HDAC9: variants seen among roughly 807,000 people sequenced by gnomAD.
The protein encoded by HDAC9 is histone deacetylase 9.
Under a neutral mutation model 139.4 loss-of-function variants are expected in HDAC9, and 41 were observed. The ratio of observed to expected loss-of-function variants is 0.29; its 90% CI spans 0.23 to 0.38. The LOEUF (loss-of-function observed/expected upper bound fraction) is 0.38. Ranked by LOEUF, HDAC9 falls within the 10% of genes least tolerant of loss-of-function variation. The pLI, the probability that HDAC9 is intolerant of heterozygous loss-of-function variation, is 1.00. For missense variants in HDAC9, 1,147 were observed against 1,297.0 expected, an observed-to-expected ratio of 0.88 and a Z score of 1.78; for synonymous variants, 517 against 476.2, an observed-to-expected ratio of 1.09 and a Z score of -1.12.
chr7:18,126,589 G>A (rs957315345), intron 1 of HDAC9, among the ~76,000 whole-genome samples: 13 of 152,138 alleles, frequency 8.5e-5, no homozygotes, highest in African/African-American at 3.1e-4. Flanking sequence ...ATCTATATTG[G>A]TGAGCTCTCT....
intron 1 of HDAC9, among the ~76,000 whole-genome samples, chr7:18,304,212 T>C (rs1430240478): frequency 1.3e-5 from 2 of 152,248 alleles, no homozygotes; most frequent in African/African-American, 4.8e-5. Context: ...GTGCCTTCTA[T>C]ACACTGTCAT....
At chr7:18,605,299 T>C (rs1835149992) in intron 6 of HDAC9, among the ~76,000 whole-genome samples, 1 of 152,170 alleles carries the variant, frequency 6.6e-6, no homozygotes, top group Non-Finnish European at 1.5e-5. Context: ...ATTTCATTTT[T>C]TTAAGTGGGC....
At chr7:18,617,386 G>A (rs1384011884) in intron 6 of HDAC9, among the ~76,000 whole-genome samples, 1 of 151,998 alleles carries the variant, frequency 6.6e-6, no homozygotes, top group African/African-American at 2.4e-5. Flanking sequence ...CTTTGCCCTA[G>A]CAGTAATGAA....
intron 1 of HDAC9, among the ~76,000 whole-genome samples, chr7:18,347,668 G>T (rs1375975811): frequency 6.6e-6 from 1 of 151,986 alleles, no homozygotes; most frequent in Admixed American, 6.6e-5. Flanking sequence ...TGCAATCTCG[G>T]CTCACTGTAA....
At chr7:18,601,741 TA>T (rs1423987786) in intron 6 of HDAC9, among the ~76,000 whole-genome samples, 1 of 152,228 alleles carries the variant, frequency 6.6e-6, no homozygotes, top group Non-Finnish European at 1.5e-5. Context: ...TACGATTTTT[TA>T]AAAAGCCATT....
chr7:18,297,344 G>A (rs1798218046), intron 1 of HDAC9, among the ~76,000 whole-genome samples: 1 of 152,112 alleles, frequency 6.6e-6, no homozygotes, highest in African/African-American at 2.4e-5. Flanking sequence ...GGGATTATTA[G>A]GCTGGCACAA....
chr7:18,562,280 G>A (rs1820862934), intron 2 of HDAC9, among the ~76,000 whole-genome samples: 5 of 151,946 alleles, frequency 3.3e-5, no homozygotes, highest in African/African-American at 1.2e-4. Context: ...GTGGATTGAT[G>A]GTATTATTTT....
intron 6 of HDAC9, among the ~76,000 whole-genome samples, chr7:18,626,361 A>G (rs1053015540): frequency 6.6e-5 from 10 of 152,210 alleles, no homozygotes; most frequent in Non-Finnish European, 1.0e-4. Context: ...GTGAAATCCA[A>G]CCAGCAAAGA....
chr7:18,415,153 C>G (rs1450112114), intron 1 of HDAC9, among the ~76,000 whole-genome samples: 1 of 152,118 alleles, frequency 6.6e-6, no homozygotes, highest in Non-Finnish European at 1.5e-5. Flanking sequence ...TAATCCTCTC[C>G]CTCCTGGTAC....
intron 12 of HDAC9, among the ~76,000 whole-genome samples, chr7:18,690,975 A>G (rs1244741827): frequency 1.3e-5 from 2 of 152,058 alleles, no homozygotes; most frequent in Non-Finnish European, 2.9e-5. Flanking sequence ...AAAACAAAAA[A>G]AACTAATATT....
rs1026811722 is a variant in HDAC9, at chr7:18,552,787, C to A, written c.23-32494C>A. On this transcript the variant is annotated intron_variant, in intron 2 of 25. Transcript: ENST00000686413. ...GAGATGTGGTCTAGAAGCAATTGTTCAGAGAGAAATTCAACACTGACTCTA... is the reference window on the plus strand; with the variant it reads ...GAGATGTGGTCTAGAAGCAATTGTTAAGAGAGAAATTCAACACTGACTCTA... Among the ~76,000 whole-genome samples the A allele has an allele frequency of 5.9e-5, 9 of 152,228 alleles. No individual in the cohort carries two copies. In the East Asian group the frequency reaches 1.5e-3, roughly 26 times the overall value.
chr7:18,835,815 C>A, intron 20 of HDAC9, 85 bp from the exon 21 acceptor site: 1 of 1,003,708 alleles, frequency 1.0e-6, no homozygotes. Context: ...ATTTCAAGAG[C>A]TCCCATGTGC....
At chr7:18,788,212 T>C (rs1180526884) in intron 16 of HDAC9, among the ~76,000 whole-genome samples, 1 of 152,082 alleles carries the variant, frequency 6.6e-6, no homozygotes, top group Non-Finnish European at 1.5e-5. Flanking sequence ...TTGGCTCACA[T>C]TGGTAATGGG....
intron 12 of HDAC9, among the ~76,000 whole-genome samples, chr7:18,722,088 T>C (rs1408861614): frequency 6.6e-6 from 1 of 152,196 alleles, no homozygotes; most frequent in African/African-American, 2.4e-5. Flanking sequence ...GGACAGATGT[T>C]TGAGCACAGT....
At chr7:18,864,883 T>C (rs1322547638) in intron 21 of HDAC9, among the ~76,000 whole-genome samples, 1 of 152,104 alleles carries the variant, frequency 6.6e-6, no homozygotes, top group East Asian at 1.9e-4. Context: ...AGTTAAATGG[T>C]TAAATACTTA....
intron 1 of HDAC9, chr7:18,430,718 C>T (rs1407925955): frequency 7.9e-5 from 3 of 38,072 alleles, no homozygotes; most frequent in Non-Finnish European, 1.2e-4. Flanking sequence ...CCTGTCTTTA[C>T]TAAAATACAA....
At chr7:18,644,524 C>G (rs1184328588) in intron 8 of HDAC9, 147 bp from the exon 9 acceptor site, 5 of 532,844 alleles carry the variant, frequency 9.4e-6, no homozygotes, top group Non-Finnish European at 1.5e-5. Context: ...TTAAATTTGA[C>G]ATTATAACTT....
chr7:18,307,126 TG>T (rs1374265316), intron 1 of HDAC9, among the ~76,000 whole-genome samples: 9 of 151,574 alleles, frequency 5.9e-5, no homozygotes, highest in African/African-American at 2.2e-4. Context: ...TGTGTGTGTG[TG>T]TGTGTGTGTG....
chr7:18,674,546 G>A (rs1159305864), intron 12 of HDAC9, among the ~76,000 whole-genome samples: 1 of 151,844 alleles, frequency 6.6e-6, no homozygotes, highest in Non-Finnish European at 1.5e-5. Flanking sequence ...TGGTTTTTGA[G>A]GTCAGGGAAA....
Sources: allele counts gnomAD v4.1 joint callset (sites outside exome capture counted in the v4.1 genomes callset), GRCh38; gene constraint gnomAD v4.1.1; transcripts MANE v1.5; gene names NCBI Gene and HGNC (gene_info 2026-07-23, HGNC 2026-07-21).